The following RBM34 variants were observed in gnomAD, a reference collection of about 807,000 sequenced individuals.
RBM34 encodes RNA binding motif protein 34.
RBM34 carries 39 observed loss-of-function variants against 44.6 expected under a neutral mutation model. That is an observed-to-expected ratio of 0.87 (90% CI 0.68 to 1.14). RBM34 has a LOEUF of 1.14. RBM34 is among the 50% of genes most tolerant of loss of function. The probability of loss-of-function intolerance (pLI) is 0.00; values close to 1 mark genes in which losing one functional copy is unlikely to be tolerated. For synonymous variants in RBM34, 194 were observed against 184.0 expected (o/e 1.05, Z -0.44); for missense variants, 572 against 517.9 (o/e 1.10, Z -1.01).
At chr1:235,139,165 G>A (rs1486565912) in intron 6 of RBM34, among the ~76,000 whole-genome samples, 5 of 152,214 alleles carry the variant, frequency 3.3e-5, no homozygotes, top group Non-Finnish European at 5.9e-5. Flanking sequence ...AAAGGACCTA[G>A]TAATGAACAC....
chr1:235,148,458 A>G lies in RBM34; in HGVS notation c.658-11T>C, dbSNP rs1662005388. The stretch of plus-strand genomic sequence containing the variant: ...TCCCTCTGCTGGAATCTTTCAAGAG[A>G]AAAAAAAAAGTATTAAAGACAGTAT... On this transcript the variant is annotated splice_polypyrimidine_tract_variant and intron_variant, in intron 5 of 10. Coordinates refer to ENST00000408888, the MANE Select transcript of RBM34 (RefSeq NM_015014.4). 3 of 1,405,896 alleles carry G rather than the reference A, an allele frequency of 2.1e-6. No individual in the cohort carries two copies. In the South Asian group the frequency reaches 4.2e-5, roughly 20 times the overall value. The allele number at this position is 1,405,896 out of a possible 1,614,324, so 87.1% of individuals were successfully genotyped here. A position where few individuals can be genotyped will look rare whatever the true frequency, so the allele number is the denominator to read the frequency against.
At chr1:235,139,962 G>A (rs375198598) in intron 6 of RBM34, among the ~76,000 whole-genome samples, 6 of 152,232 alleles carry the variant, frequency 3.9e-5, no homozygotes, top group Middle Eastern at 3.2e-3. Context: ...GCCGAGGCAG[G>A]AGTGTGCGCC....
chr1:235,160,557 T>G lies in RBM34; in HGVS notation c.319A>C (p.Lys107Gln). The G allele has an allele frequency of 6.2e-7, 1 of 1,614,100 alleles. No homozygotes were observed. Among genetic ancestry groups the G allele is most frequent in the Non-Finnish European group, 8.5e-7 (1 of 1,180,012 alleles). Residue 107 changes from lysine (K) to glutamine (Q), a missense_variant, in exon 3 of 11, where the codon AAA becomes CAA. Coordinates refer to ENST00000408888, the MANE Select transcript of RBM34 (RefSeq NM_015014.4). ...PLSQEPAKKV[K>Q]AKKKHTNAEK... ...GCGTTAGTGTGTTTCTTCTTCGCTT[T>G]CACTTTTTTGGCAGGTTCTTGCGAA...
intron 3 of RBM34, among the ~76,000 whole-genome samples, chr1:235,157,828 C>T (rs1662514452): frequency 1.3e-5 from 2 of 152,202 alleles, no homozygotes; most frequent in African/African-American, 4.8e-5. Flanking sequence ...AGCTGCACTG[C>T]CCATTACATA....
At position 235,161,220 on chromosome 1, in the gene RBM34, A is replaced by G. The variant is rs1192440371; in HGVS notation, c.7T>C (p.Leu3=). Residue 3 remains leucine, a synonymous_variant, in exon 1 of 11, where the codon TTG becomes CTG. Coordinates refer to ENST00000408888, the MANE Select transcript of RBM34 (RefSeq NM_015014.4). ...CTCTTCCGTTTGCTCATCCCTTCCAAGGCCATTCTTACTCCAAAGACTCCC... is the reference window on the plus strand; with the variant it reads ...CTCTTCCGTTTGCTCATCCCTTCCAGGGCCATTCTTACTCCAAAGACTCCC... MA[L]EGMSKRKRKR... 2.5e-6 allele frequency: 4 copies of G among 1,612,930 alleles called. No homozygotes were observed. The highest frequency in any genetic ancestry group is 3.4e-6 in the Non-Finnish European group (4 of 1,179,642).
intron 3 of RBM34, chr1:235,160,291 G>A (rs1236529457): frequency 1.4e-6 from 1 of 694,154 alleles, no homozygotes; most frequent in South Asian, 1.5e-5. Context: ...TATATGAGTG[G>A]GGTAAAAATA....
At chr1:235,154,585 A>G (rs1662314767) in intron 4 of RBM34, among the ~76,000 whole-genome samples, 1 of 152,118 alleles carries the variant, frequency 6.6e-6, no homozygotes, top group Admixed American at 6.6e-5. Flanking sequence ...AAAAGGAAAG[A>G]CATCTTTAAA....
At chr1:235,155,706 T>C (rs1157953618) in intron 3 of RBM34, among the ~76,000 whole-genome samples, 3 of 149,410 alleles carry the variant, frequency 2.0e-5, no homozygotes, top group Non-Finnish European at 4.4e-5. Flanking sequence ...GGTTTCACCA[T>C]GTTGGCCAGG....
chr1:235,149,565 G>A (rs1229801290), intron 5 of RBM34, among the ~76,000 whole-genome samples: 2 of 152,130 alleles, frequency 1.3e-5, no homozygotes, highest in African/African-American at 2.4e-5. Context: ...AATGCATGGT[G>A]TCCATCATGC....
At chr1:235,153,330 A>G (rs2102856123) in intron 4 of RBM34, among the ~76,000 whole-genome samples, 1 of 152,250 alleles carries the variant, frequency 6.6e-6, no homozygotes. Context: ...TTTTCTTTCA[A>G]TCTTTTATAA....
chr1:235,145,442 A>C (rs958118670), intron 6 of RBM34, among the ~76,000 whole-genome samples: 4 of 151,712 alleles, frequency 2.6e-5, no homozygotes, highest in African/African-American at 7.3e-5. Context: ...TTGCCCAGCT[A>C]ATTTTTTTGT....
chr1:235,152,616 CT>C, intron 5 of RBM34, 89 bp downstream of exon 5: 17 of 1,550,220 alleles, frequency 1.1e-5, no homozygotes, highest in Non-Finnish European at 1.4e-5. Flanking sequence ...GGTTAAAGTG[CT>C]TCACCATCTC....
At chr1:235,152,027 T>C (rs1385671734) in intron 5 of RBM34, among the ~76,000 whole-genome samples, 1 of 99,804 alleles carries the variant, frequency 1.0e-5, no homozygotes, top group Non-Finnish European at 2.0e-5. Context: ...ACAGCGAGAC[T>C]CTGTCTCAAA....
intron 3 of RBM34, 95 bp downstream of exon 3, chr1:235,160,416 T>A: frequency 1.4e-6 from 2 of 1,462,556 alleles, no homozygotes; most frequent in Non-Finnish European, 1.9e-6. Flanking sequence ...TGAAAGAAAG[T>A]AGAAATATGA....
Position 235,156,594 on chromosome 1 carries a change from C to T in RBM34, c.366-1482G>A, listed in dbSNP as rs1233100387. On this transcript the variant is annotated intron_variant, in intron 3 of 10. Coordinates refer to ENST00000408888, the MANE Select transcript of RBM34 (RefSeq NM_015014.4). Reference sequence around the variant, plus strand: ...TTCTGTAATATTTAAAGGACTCTTACCAAAAGTAAATTGTGAAACGGTAAA... The same window carrying T: ...TTCTGTAATATTTAAAGGACTCTTATCAAAAGTAAATTGTGAAACGGTAAA... 1.6e-5 allele frequency: 7 copies of T among 442,066 alleles called. No homozygotes were observed. In the Middle Eastern group the frequency reaches 1.0e-3, roughly 65 times the overall value. The allele number at this position is 442,066 out of a possible 1,614,324, so 27.4% of individuals were successfully genotyped here. A position where few individuals can be genotyped will look rare whatever the true frequency, so the allele number is the denominator to read the frequency against.
At chr1:235,132,112 C>A in intron 10 of RBM34, 115 bp from the exon 11 acceptor site, 1 of 933,560 alleles carries the variant, frequency 1.1e-6, no homozygotes. Context: ...AGATAAGCCC[C>A]ATCCAATCCC....
Position 235,131,834 on chromosome 1 carries a change from G to A in RBM34, c.1172C>T (p.Ser391Phe). 1 of 1,614,066 alleles carries A rather than the reference G, an allele frequency of 6.2e-7. No homozygotes were observed. The highest frequency in any genetic ancestry group is 1.1e-5 in the South Asian group (1 of 91,074). ...TTTAGGATGTCCTTCTGCAGTTTTGGAAGTAAAATTAAGTCCCTGCTTAGG... is the reference window on the plus strand; with the variant it reads ...TTTAGGATGTCCTTCTGCAGTTTTGAAAGTAAAATTAAGTCCCTGCTTAGG... ...SKPKQGLNFT[S>F]KTAEGHPKSL... The change falls in exon 11 of 11, where the codon TCC becomes TTC. Residue 391 changes from serine to phenylalanine, a missense_variant. Coordinates refer to ENST00000408888, the MANE Select transcript of RBM34 (RefSeq NM_015014.4).
intron 6 of RBM34, among the ~76,000 whole-genome samples, chr1:235,146,872 C>T (rs1175523413): frequency 6.6e-6 from 1 of 152,162 alleles, no homozygotes; most frequent in Non-Finnish European, 1.5e-5. Flanking sequence ...CCACCTACCT[C>T]GGCCTCCCAA....
At chr1:235,160,856 C>G (rs1662681698) in intron 2 of RBM34, 37 bp downstream of exon 2, 1 of 1,608,138 alleles carries the variant, frequency 6.2e-7, no homozygotes, top group South Asian at 1.1e-5. Context: ...GTAAGTGGTT[C>G]TAACGAGCTA....
Sources: allele counts gnomAD v4.1 joint callset (sites outside exome capture counted in the v4.1 genomes callset), GRCh38; gene constraint gnomAD v4.1.1; transcripts MANE v1.5; gene names NCBI Gene and HGNC (gene_info 2026-07-23, HGNC 2026-07-21).